SLC39A11: variants seen among roughly 807,000 people sequenced by gnomAD.
SLC39A11 encodes the protein solute carrier family 39 member 11, also known as zinc transporter ZIP11.
A neutral mutation model predicts 36.1 loss-of-function variants in SLC39A11; 33 were observed. The observed-to-expected ratio is 0.91, with a 90% confidence interval of 0.69 to 1.22. The LOEUF is 1.22. Among genes scored for constraint, SLC39A11 ranks in the 50% most tolerant of loss-of-function variants. The pLI, the probability that SLC39A11 is intolerant of heterozygous loss-of-function variation, is 0.00. For missense variants in SLC39A11, 432 were observed against 430.3 expected (o/e 1.00, Z -0.03); for synonymous variants, 166 against 170.3 (o/e 0.97, Z 0.20).
In SLC39A11 at chr17:72,846,018, C is replaced by CTTTTTTTTTTTTTTTTTTTTTTTTT. The variant is rs569100122; in HGVS notation, c.601+3591_601+3615dup. 6.9e-5 allele frequency among the ~76,000 whole-genome samples: 4 copies of CTTTTTTTTTTTTTTTTTTTTTTTTT among 57,956 alleles called. 1 individual carries two copies. Among genetic ancestry groups the CTTTTTTTTTTTTTTTTTTTTTTTTT allele is most frequent in the African/African-American group, 1.7e-4 (2 of 11,710 alleles). 38.0% of individuals were successfully genotyped at this position (57,956 alleles called of 152,430 possible). On this transcript the variant is annotated intron_variant, in intron 6 of 9. Transcript: ENST00000255559. ...CCAATGAATCTCTCTCTCTCTCTCTCTTTTTTTTTTTTTTTTTTTTTTTTT... is the reference window on the plus strand; with the variant it reads ...CCAATGAATCTCTCTCTCTCTCTCTCTTTTTTTTTTTTTTTTTTTTTTTTTTTTTTTTTTTTTTTTTTTTTTTTTT...
chr17:72,854,781 A>G (rs892249995), intron 5 of SLC39A11, among the ~76,000 whole-genome samples: 2 of 152,204 alleles, frequency 1.3e-5, no homozygotes, highest in Non-Finnish European at 2.9e-5. Context: ...GAAAAGAACC[A>G]CAGTGCTACA....
chr17:72,976,812 T>C (rs1451544299), intron 4 of SLC39A11, among the ~76,000 whole-genome samples: 1 of 150,902 alleles, frequency 6.6e-6, no homozygotes, highest in Non-Finnish European at 1.5e-5. Context: ...ATCGTGCCAT[T>C]GCACTCCAGC....
chr17:72,857,489 G>T (rs925760556), intron 5 of SLC39A11, among the ~76,000 whole-genome samples: 7 of 152,162 alleles, frequency 4.6e-5, no homozygotes, highest in African/African-American at 1.7e-4. Flanking sequence ...ATTCCTTTGG[G>T]TATAAACCCA....
At chr17:73,024,297 T>C (rs914594495) in intron 4 of SLC39A11, among the ~76,000 whole-genome samples, 3 of 152,168 alleles carry the variant, frequency 2.0e-5, no homozygotes, top group Admixed American at 6.5e-5. Flanking sequence ...TAGCTTGAAG[T>C]AGAATTGCCC....
chr17:72,841,683 A>G (rs2078817278), intron 6 of SLC39A11, among the ~76,000 whole-genome samples: 1 of 152,202 alleles, frequency 6.6e-6, no homozygotes, highest in African/African-American at 2.4e-5. Context: ...ACATTTTAAA[A>G]TAACTACAAG....
intron 6 of SLC39A11, among the ~76,000 whole-genome samples, chr17:72,819,677 AT>A (rs2077700773): frequency 6.6e-6 from 1 of 151,146 alleles, no homozygotes; most frequent in South Asian, 2.1e-4. Context: ...CACATGAACA[AT>A]TCAACAGTAC....
intron 4 of SLC39A11, among the ~76,000 whole-genome samples, chr17:73,026,983 A>T (rs1052743041): frequency 2.6e-5 from 4 of 152,084 alleles, no homozygotes; most frequent in Non-Finnish European, 4.4e-5. Flanking sequence ...TTAGCCGGGC[A>T]TGGTAGCACA....
intron 3 of SLC39A11, among the ~76,000 whole-genome samples, chr17:73,080,091 C>T (rs1045467175): frequency 2.6e-5 from 4 of 152,060 alleles, no homozygotes; most frequent in Admixed American, 2.6e-4. Context: ...AACGCAATTC[C>T]CATCAAAACA....
chr17:72,909,440 C>T (rs771473118), intron 5 of SLC39A11, among the ~76,000 whole-genome samples: 4 of 152,176 alleles, frequency 2.6e-5, no homozygotes, highest in East Asian at 3.9e-4. Context: ...ACCCATCAGA[C>T]GGGTCTCCAT....
At chr17:72,669,201 G>A (rs1007744511) in intron 7 of SLC39A11, among the ~76,000 whole-genome samples, 3 of 152,092 alleles carry the variant, frequency 2.0e-5, no homozygotes, top group Non-Finnish European at 4.4e-5. Flanking sequence ...AAGACTTCTC[G>A]AAAATGTACG....
At chr17:72,899,827 G>T (rs112974469) in intron 5 of SLC39A11, among the ~76,000 whole-genome samples, 18,195 of 151,836 alleles carry the variant, frequency 0.12, 1,864 homozygotes, top group African/African-American at 0.28. Context: ...CCGGGCGTGG[G>T]GGCAGGTGCC....
intron 6 of SLC39A11, among the ~76,000 whole-genome samples, chr17:72,777,306 T>C (rs79616301): frequency 0.016 from 2,474 of 152,208 alleles, 58 homozygotes; most frequent in African/African-American, 0.056. Context: ...TAGGAACTCT[T>C]CTCAGAAAAT....
At chr17:72,882,310 C>T (rs1018900334) in intron 5 of SLC39A11, among the ~76,000 whole-genome samples, 3 of 148,826 alleles carry the variant, frequency 2.0e-5, no homozygotes, top group Non-Finnish European at 3.0e-5. Context: ...GAGCCAAGAT[C>T]GTGCCACTGT....
At chr17:73,006,426 A>G (rs2090182843) in intron 4 of SLC39A11, among the ~76,000 whole-genome samples, 1 of 152,134 alleles carries the variant, frequency 6.6e-6, no homozygotes, top group African/African-American at 2.4e-5. Context: ...TGTGTTTTAC[A>G]TTTTTAAAGG....
At chr17:72,833,878 A>G (rs2078395514) in intron 6 of SLC39A11, among the ~76,000 whole-genome samples, 1 of 152,190 alleles carries the variant, frequency 6.6e-6, no homozygotes, top group Non-Finnish European at 1.5e-5. Flanking sequence ...AAAACTCAGA[A>G]CCAACAGGAG....
chr17:72,695,762 G>C (rs1028598943), intron 7 of SLC39A11, among the ~76,000 whole-genome samples: 6 of 152,302 alleles, frequency 3.9e-5, no homozygotes, highest in African/African-American at 7.2e-5. Context: ...GAGGAGGAAG[G>C]CTGCGTGAAG....
intron 4 of SLC39A11, among the ~76,000 whole-genome samples, chr17:72,955,902 G>A (rs76084255): frequency 0.018 from 2,787 of 152,104 alleles, 74 homozygotes; most frequent in East Asian, 0.098. Flanking sequence ...GCCAAAAAGC[G>A]TGACGTTCCA....
intron 6 of SLC39A11, among the ~76,000 whole-genome samples, chr17:72,759,445 T>C (rs1778591173): frequency 6.6e-6 from 1 of 152,334 alleles, no homozygotes; most frequent in Non-Finnish European, 1.5e-5. Flanking sequence ...CAAAGGATTC[T>C]TAAAAATCAC....
intron 7 of SLC39A11, among the ~76,000 whole-genome samples, chr17:72,669,667 T>C (rs989388848): frequency 6.6e-6 from 1 of 152,146 alleles, no homozygotes; most frequent in Admixed American, 6.5e-5. Context: ...ATTTCCCTTT[T>C]ATAGTTAGTA....
Sources: allele counts gnomAD v4.1 joint callset (sites outside exome capture counted in the v4.1 genomes callset), GRCh38; gene constraint gnomAD v4.1.1; transcripts MANE v1.5; gene names NCBI Gene and HGNC (gene_info 2026-07-23, HGNC 2026-07-21).